The following MLYCD variants were observed in gnomAD, a reference collection of about 807,000 sequenced individuals.
MLYCD encodes malonyl-CoA decarboxylase.
MLYCD carries 27 observed loss-of-function variants against 35.8 expected under a neutral mutation model. The observed-to-expected ratio is 0.75, with a 90% CI of 0.56 to 1.04. The LOEUF is 1.04. Among genes scored for constraint, MLYCD ranks in the 50% least tolerant of loss-of-function variants. The pLI is 0.00. For missense variants in MLYCD, 917 were observed against 665.1 expected (o/e 1.38, Z -4.17); for synonymous variants, 403 against 302.4 (o/e 1.33, Z -3.45).
In MLYCD at chr16:83,904,378, G is replaced by A. The variant is rs140426590; in HGVS notation, c.529-2609G>A. ...GTATTTGCAGTGTTTTGGGGGCAGG[G>A]CCTATGGTTTTTAGCACGTAAGAGT... is the stretch of plus-strand genomic sequence containing the variant. On this transcript the variant is annotated intron_variant, in intron 1 of 4. Transcript: ENST00000262430. 5.0e-3 allele frequency among the ~76,000 whole-genome samples: 758 copies of A among 152,204 alleles called. 1 individual carries two copies. The highest frequency in any genetic ancestry group is 0.017 in the African/African-American group (725 of 41,502).
Position 83,916,096 on chromosome 16 carries a change from G to A in MLYCD, c.*607G>A. On this transcript the variant is annotated 3_prime_UTR_variant, in exon 5 of 5. Transcript: ENST00000262430. ...AAAAATGTTGCTGCTTGAGGCATAA[G>A]TTGGATAATAGGCTTTAAATGATCA... is the stretch of plus-strand genomic sequence containing the variant. 1.6e-5 allele frequency: 16 copies of A among 996,800 alleles called. No individual in the cohort carries two copies. Among genetic ancestry groups the A allele is most frequent in the Non-Finnish European group, 1.9e-5 (16 of 835,320 alleles). The allele number at this position is 996,800 out of a possible 1,614,324, so 61.7% of individuals were successfully genotyped here. A position where few individuals can be genotyped will look rare whatever the true frequency, so the allele number is the denominator to read the frequency against.
chr16:83,912,868 C>T (rs1012973795), intron 4 of MLYCD: 8 of 205,572 alleles, frequency 3.9e-5, no homozygotes, highest in South Asian at 1.8e-4. Flanking sequence ...CCAGACAGCT[C>T]GAAGGTAAAT....
chr16:83,909,663 G>T (rs1417235761), intron 3 of MLYCD, among the ~76,000 whole-genome samples: 1 of 147,372 alleles, frequency 6.8e-6, no homozygotes, highest in African/African-American at 2.5e-5. Context: ...CTCTTCTTGC[G>T]CAGGCTAGAG....
In MLYCD at chr16:83,917,384, C is replaced by T. The variant is rs981589591; in HGVS notation, c.*1895C>T. ...GCACGTCTGTGCATGTGCACACGTG[C>T]ATGTGCATGTGCTTACACGTCTTTG... On this transcript the variant is annotated 3_prime_UTR_variant, in exon 5 of 5. Transcript: ENST00000262430. The T allele has an allele frequency of 6.5e-6, 1 of 154,560 alleles. No homozygotes were observed. The highest frequency in any genetic ancestry group is 1.9e-4 in the East Asian group (1 of 5,196). The allele number at this position is 154,560 out of a possible 1,614,324, so 9.6% of individuals were successfully genotyped here. A position where few individuals can be genotyped will look rare whatever the true frequency, so the allele number is the denominator to read the frequency against.
In MLYCD at chr16:83,908,218, C is replaced by T. The variant is rs886052358; in HGVS notation, c.734C>T (p.Thr245Ile). The T allele has an allele frequency of 2.5e-6, 4 of 1,614,216 alleles. No individual in the cohort carries two copies. Among genetic ancestry groups the T allele is most frequent in the Non-Finnish European group, 3.4e-6 (4 of 1,180,042 alleles). Reference sequence around the variant, plus strand: ...TGTTACTTCTTTTCTCACTGTTCGACCCCTGGGGAGCCCCTGGTCGTTTTG... The same window carrying T: ...TGTTACTTCTTTTCTCACTGTTCGATCCCTGGGGAGCCCCTGGTCGTTTTG... ...RRCYFFSHCS[T>I]PGEPLVVLHV... The change falls in exon 3 of 5, where the codon ACC (threonine) becomes ATC (isoleucine). Residue 245 changes from threonine to isoleucine, a missense_variant. Physicochemically the swap from Thr to Ile is moderately conservative, Grantham distance 89. Coordinates refer to ENST00000262430, the MANE Select transcript of MLYCD (RefSeq NM_012213.3).
At chr16:83,911,595 A>G (rs1467976930) in intron 3 of MLYCD, 1 of 155,576 alleles carries the variant, frequency 6.4e-6, no homozygotes, top group Non-Finnish European at 1.4e-5. Flanking sequence ...TTCCCAGTCT[A>G]GCTCGTTTCT....
At position 83,924,899 on chromosome 16, in the gene MLYCD, C is replaced by T. The variant is rs940016964; in HGVS notation, c.*9410C>T. ...CCCGGCACTGGCACAGATGCACACC[C>T]TCTTGGCCATCCCCACCTGTGCTCC... On this transcript the variant is annotated 3_prime_UTR_variant, in exon 5 of 5. Coordinates refer to ENST00000262430, the MANE Select transcript of MLYCD (RefSeq NM_012213.3). 10 of 152,348 alleles carry T rather than the reference C, an allele frequency of 6.6e-5. No homozygotes were observed. The highest frequency in any genetic ancestry group is 2.4e-4 in the African/African-American group (10 of 41,474). The allele number at this position is 152,348 out of a possible 1,614,324, so 9.4% of individuals were successfully genotyped here. A position where few individuals can be genotyped will look rare whatever the true frequency, so the allele number is the denominator to read the frequency against.
intron 3 of MLYCD, among the ~76,000 whole-genome samples, chr16:83,911,522 A>G (rs1907179466): frequency 6.6e-6 from 1 of 152,202 alleles, no homozygotes; most frequent in Admixed American, 6.5e-5. Context: ...TTCGGAGTAT[A>G]AGGGATTAGA....
rs1473509602 is a variant in MLYCD at position 83,899,144 on chromosome 16, C to T, written c.-1C>T. ...CCCCTCGGCAGCTGTTGTGGGGCACCATGCGAGGCTTCGGGCCAGGCTTGA... is the reference window on the plus strand; with the variant it reads ...CCCCTCGGCAGCTGTTGTGGGGCACTATGCGAGGCTTCGGGCCAGGCTTGA... On this transcript the variant is annotated 5_prime_UTR_variant, in exon 1 of 5. Coordinates refer to ENST00000262430, the MANE Select transcript of MLYCD (RefSeq NM_012213.3). 12 of 1,137,902 alleles carry T rather than the reference C, an allele frequency of 1.1e-5. No homozygotes were observed. The East Asian group carries it at 1.6e-4, about 15-fold the overall frequency. The allele number at this position is 1,137,902 out of a possible 1,614,324, so 70.5% of individuals were successfully genotyped here. A position where few individuals can be genotyped will look rare whatever the true frequency, so the allele number is the denominator to read the frequency against.
intron 1 of MLYCD, 137 bp from the exon 2 acceptor site, chr16:83,906,850 G>A (rs1427486910): frequency 1.1e-5 from 9 of 807,970 alleles, no homozygotes; most frequent in Non-Finnish European, 2.0e-5. Context: ...CTTGGGAAAA[G>A]CTGTTTGGAG....
intron 1 of MLYCD, among the ~76,000 whole-genome samples, chr16:83,901,081 G>A (rs917484324): frequency 1.3e-5 from 2 of 152,170 alleles, no homozygotes; most frequent in Non-Finnish European, 1.5e-5. Flanking sequence ...TTGATTCCCC[G>A]TGATAGCTGG....
chr16:83,918,645 GGTGCACAGGAGAACACA>G lies in MLYCD; in HGVS notation c.*3170_*3186del, dbSNP rs1454699187. 7.2e-6 allele frequency: 1 copy of G among 138,880 alleles called. No homozygotes were observed. The highest frequency in any genetic ancestry group is 2.8e-5 in the African/African-American group (1 of 36,326). The allele number at this position is 138,880 out of a possible 1,614,324, so 8.6% of individuals were successfully genotyped here. A position where few individuals can be genotyped will look rare whatever the true frequency, so the allele number is the denominator to read the frequency against. On this transcript the variant is annotated 3_prime_UTR_variant, in exon 5 of 5. Transcript: ENST00000262430. ...GGTGCACCGGAGAACATGCACACAT[GGTGCACAGGAGAACACA>G]GTGCACAGGAGAATACAGACTGCAC...
intron 3 of MLYCD, among the ~76,000 whole-genome samples, chr16:83,910,005 A>G (rs534701082): frequency 9.2e-5 from 14 of 152,238 alleles, no homozygotes; most frequent in Non-Finnish European, 4.4e-5. Context: ...TCATCGAGCA[A>G]GTAAGGGCGG....
At chr16:83,902,986 TTTTG>T (rs1234840859) in intron 1 of MLYCD, among the ~76,000 whole-genome samples, 2 of 152,058 alleles carry the variant, frequency 1.3e-5, no homozygotes, top group African/African-American at 4.8e-5. Context: ...TTTATAGGCT[TTTTG>T]TTTTTCTCCA....
intron 1 of MLYCD, among the ~76,000 whole-genome samples, chr16:83,900,582 A>ATTTTTTTTTTTTTTTTTTTTTTT (rs1156957811): frequency 8.3e-6 from 1 of 121,066 alleles, no homozygotes; most frequent in African/African-American, 3.2e-5. Context: ...TGCCCGGCTA[A>ATTTTTTTTTTTTTTTTTTTTTTT]TTTTTTTTTT....
At chr16:83,904,113 G>C (rs1906894198) in intron 1 of MLYCD, among the ~76,000 whole-genome samples, 1 of 152,116 alleles carries the variant, frequency 6.6e-6, no homozygotes, top group African/African-American at 2.4e-5. Context: ...TGTAGGGGAG[G>C]AGCTTTCATC....
chr16:83,912,537 G>C, intron 4 of MLYCD, 170 bp downstream of exon 4: 1 of 801,550 alleles, frequency 1.2e-6, no homozygotes, highest in Admixed American at 2.2e-5. Context: ...TAGGAGCCAT[G>C]AGTCTCCCAG....
chr16:83,912,171 T>G (rs1256322759), intron 3 of MLYCD, 47 bp from the exon 4 acceptor site: 3 of 1,613,484 alleles, frequency 1.9e-6, no homozygotes, highest in African/African-American at 2.7e-5. Context: ...CCTCGTGGGC[T>G]GCAGAGCGGC....
chr16:83,901,395 G>C (rs1477925968), intron 1 of MLYCD, among the ~76,000 whole-genome samples: 1 of 152,154 alleles, frequency 6.6e-6, no homozygotes, highest in African/African-American at 2.4e-5. Flanking sequence ...ATAGATTCCT[G>C]GGTGTCCTGG....
Sources: allele counts gnomAD v4.1 joint callset (sites outside exome capture counted in the v4.1 genomes callset), GRCh38; gene constraint gnomAD v4.1.1; transcripts MANE v1.5; gene names NCBI Gene and HGNC (gene_info 2026-07-23, HGNC 2026-07-21).